REPS2: variants seen among roughly 807,000 people sequenced by gnomAD.
REPS2 encodes the protein RALBP1 associated Eps domain containing 2, also known as ralBP1-associated Eps domain-containing protein 2.
A neutral mutation model predicts 53.6 loss-of-function variants in REPS2; 23 were observed. That is an observed-to-expected ratio of 0.43 (90% CI 0.31 to 0.61). The LOEUF is 0.61. REPS2 is among the 20% of genes least tolerant of loss of function. REPS2 has a pLI of 0.11. For synonymous variants in REPS2, 238 were observed against 218.6 expected (o/e 1.09, Z -0.78); for missense variants, 446 against 534.9 (o/e 0.83, Z 1.64).
At chrX:17,101,146 C>T (rs897027789) in intron 13 of REPS2, among the ~76,000 whole-genome samples, 1 of 103,482 alleles carries the variant, frequency 9.7e-6, no homozygotes, top group Non-Finnish European at 2.0e-5. Context: ...CTCCACCTCT[C>T]GGGTTCACGC....
At chrX:16,955,483 G>C (rs773551328) in intron 1 of REPS2, among the ~76,000 whole-genome samples, 1 of 112,050 alleles carries the variant, frequency 8.9e-6, no homozygotes, top group Non-Finnish European at 1.9e-5. Flanking sequence ...CCTCAGCTCA[G>C]AGTTTCATAA....
chrX:16,946,728 G>C lies in REPS2; in HGVS notation c.-134G>C. 1 of 685,159 alleles carries C rather than the reference G, an allele frequency of 1.5e-6. No homozygotes were observed. The highest frequency in any genetic ancestry group is 1.7e-6 in the Non-Finnish European group (1 of 577,919). 56.5% of individuals were successfully genotyped at this position (685,159 alleles called of 1,213,427 possible). The stretch of plus-strand genomic sequence containing the variant: ...GGCCGCGCGGCAGCTGCGGGGCGTG[G>C]GGGTGGTGGTGGCGGCGGCGGTGGT... On this transcript the variant is annotated 5_prime_UTR_variant, in exon 1 of 18. Coordinates refer to ENST00000357277, the MANE Select transcript of REPS2 (RefSeq NM_004726.3).
rs1387450184 is a variant in REPS2 at position 17,131,904 on chromosome X, T to G, written c.1579-1920T>G. On this transcript the variant is annotated intron_variant, in intron 14 of 17. Transcript: ENST00000357277. The stretch of plus-strand genomic sequence containing the variant: ...TTAAGAAGGGCCATATTTACTAGAG[T>G]TTTTTTTTTTTTTTTTCCCAAACTG... Among the ~76,000 whole-genome samples, 5 of 86,442 alleles carry G rather than the reference T, an allele frequency of 5.8e-5. No individual in the cohort carries two copies. The East Asian group carries it at 1.3e-3, about 22-fold the overall frequency. The allele number at this position is 86,442 out of a possible 115,157, so 75.1% of individuals were successfully genotyped here. A position where few individuals can be genotyped will look rare whatever the true frequency, so the allele number is the denominator to read the frequency against.
intron 13 of REPS2, among the ~76,000 whole-genome samples, chrX:17,094,727 T>A (rs2062672633): frequency 8.9e-6 from 1 of 112,085 alleles, no homozygotes; most frequent in African/African-American, 3.2e-5. Context: ...TTATTTCATC[T>A]TAGCAAATAG....
At chrX:17,140,426 T>G (rs1414680696) in intron 17 of REPS2, among the ~76,000 whole-genome samples, 1 of 110,548 alleles carries the variant, frequency 9.0e-6, no homozygotes, top group Non-Finnish European at 1.9e-5. Context: ...CCCAACCCCA[T>G]TTGCCCCAAT....
At position 16,953,085 on chromosome X, in the gene REPS2, A is replaced by G. The variant is rs188915593; in HGVS notation, c.273+5951A>G. On this transcript the variant is annotated intron_variant, in intron 1 of 17. Transcript: ENST00000357277. ...GAGTGAAACTCTGTCTCAAAAACAA[A>G]CAAACCAAAAAACAAACACACACAC... Among the ~76,000 whole-genome samples the G allele has an allele frequency of 2.1e-4, 23 of 107,669 alleles. No homozygotes were observed. The East Asian group carries it at 6.4e-3, about 30-fold the overall frequency. The allele number at this position is 107,669 out of a possible 115,157, so 93.5% of individuals were successfully genotyped here. A position where few individuals can be genotyped will look rare whatever the true frequency, so the allele number is the denominator to read the frequency against.
At position 17,150,475 on chromosome X, in the gene REPS2, C is replaced by T. The variant is rs1188727440; in HGVS notation, c.*2994C>T. On this transcript the variant is annotated 3_prime_UTR_variant, in exon 18 of 18. Coordinates refer to ENST00000357277, the MANE Select transcript of REPS2 (RefSeq NM_004726.3). ...TGTGGCATATTGCTTTTGCCACTTT[C>T]CTATCCAGCAGACATCAAAGCAAAA... 8.9e-6 allele frequency: 1 copy of T among 112,819 alleles called. No homozygotes were observed. Among genetic ancestry groups the T allele is most frequent in the Non-Finnish European group, 1.9e-5 (1 of 53,406 alleles). 9.3% of individuals were successfully genotyped at this position (112,819 alleles called of 1,213,427 possible). A position where few individuals can be genotyped will look rare whatever the true frequency, so the allele number is the denominator to read the frequency against.
At chrX:17,165,016 A>G in the REPS2 span, among the ~76,000 whole-genome samples, 5 of 108,330 alleles carry the variant, frequency 4.6e-5, no homozygotes, top group Admixed American at 5.0e-4. Flanking sequence ...AACCGTCTTC[A>G]TTTTCCTAGA....
Position 17,138,910 on chromosome X carries a change from G to A in REPS2, c.1863G>A (p.Glu621=), listed in dbSNP as rs958082463. Residue 621 remains glutamate (E), a synonymous_variant, in exon 17 of 18, where the codon GAG becomes GAA. Coordinates refer to ENST00000357277, the MANE Select transcript of REPS2 (RefSeq NM_004726.3). The part of the protein sequence containing the change: ...AIQTAIRKNK[E]ANAVLARLNS... ...AAACTGCTATCCGCAAAAATAAAGA[G>A]GCAAACGCAGTGCTGGCTCGGCTGA... 1 of 1,205,340 alleles carries A rather than the reference G, an allele frequency of 8.3e-7. No homozygotes were observed. The highest frequency in any genetic ancestry group is 1.1e-6 in the Non-Finnish European group (1 of 892,614).
At chrX:17,153,304 T>C (rs1370398571), downstream of REPS2, 1 of 112,417 alleles carries the variant, frequency 8.9e-6, no homozygotes, top group Non-Finnish European at 1.9e-5. Context: ...GGTGTCGATA[T>C]ATTGTGGTTT....
At chrX:17,116,838 T>A (rs1458419983) in intron 14 of REPS2, among the ~76,000 whole-genome samples, 1 of 112,226 alleles carries the variant, frequency 8.9e-6, no homozygotes, top group African/African-American at 3.2e-5. Context: ...GGAGCGAATT[T>A]GCCTTTTTTA....
chrX:16,969,246 G>T (rs1408436681), intron 1 of REPS2, among the ~76,000 whole-genome samples: 1 of 109,741 alleles, frequency 9.1e-6, no homozygotes, highest in Non-Finnish European at 1.9e-5. Flanking sequence ...TCCAGACTGG[G>T]CAGCCAGGCA....
At chrX:17,159,056 G>T in the REPS2 span, among the ~76,000 whole-genome samples, 1,059 of 111,862 alleles carry the variant, frequency 9.5e-3, 12 homozygotes, top group African/African-American at 0.033. Context: ...AATAATTAAA[G>T]AATATTTCAA....
chrX:16,990,516 A>G (rs1404936763), intron 1 of REPS2, among the ~76,000 whole-genome samples: 19 of 109,050 alleles, frequency 1.7e-4, no homozygotes, highest in African/African-American at 6.4e-4. Context: ...AGGCTGAGGC[A>G]GGAGAATCGC....
downstream of REPS2, among the ~76,000 whole-genome samples, chrX:17,155,356 A>G (rs994312232): frequency 9.0e-6 from 1 of 111,438 alleles, no homozygotes; most frequent in South Asian, 3.8e-4. Flanking sequence ...GAATGGATTA[A>G]TTCATTCATG....
intron 14 of REPS2, among the ~76,000 whole-genome samples, chrX:17,123,297 T>C (rs1603083734): frequency 8.9e-6 from 1 of 112,384 alleles, no homozygotes; most frequent in South Asian, 3.7e-4. Flanking sequence ...GTATGTGATA[T>C]AGAGAGTACA....
chrX:17,113,773 G>A (rs1396496319), intron 14 of REPS2, among the ~76,000 whole-genome samples: 18 of 111,541 alleles, frequency 1.6e-4, no homozygotes, highest in African/African-American at 4.2e-4. Context: ...GGAGAAAAGT[G>A]TAAGCCTGTC....
chrX:17,024,856 A>C (rs2061622780), intron 3 of REPS2, among the ~76,000 whole-genome samples: 1 of 111,995 alleles, frequency 8.9e-6, no homozygotes, highest in Non-Finnish European at 1.9e-5. Context: ...GTAACTCAGC[A>C]CTGATGAGAT....
chrX:17,091,837 C>A (rs943283458), intron 13 of REPS2, among the ~76,000 whole-genome samples: 1 of 112,021 alleles, frequency 8.9e-6, no homozygotes, highest in Non-Finnish European at 1.9e-5. Context: ...TGAACAATTT[C>A]TGTTACAAAG....
Sources: gnomAD v4.1 joint callset for allele counts (sites outside exome capture counted in the v4.1 genomes callset) on GRCh38, gnomAD v4.1.1 for gene constraint, MANE v1.5 for transcripts, NCBI Gene and HGNC (gene_info 2026-07-23, HGNC 2026-07-21) for gene names.